The following TMEM74 variants were observed in gnomAD, a reference collection of about 807,000 sequenced individuals.
TMEM74 encodes the protein transmembrane protein 74.
TMEM74 carries 13 observed loss-of-function variants against 18.1 expected under a neutral mutation model. The ratio of observed to expected loss-of-function variants is 0.72; its 90% CI spans 0.47 to 1.14. The LOEUF is 1.14. Among genes scored for constraint, TMEM74 ranks in the 50% most tolerant of loss-of-function variants. The pLI is 0.00. For missense variants in TMEM74, 372 were observed against 375.9 expected (o/e 0.99, Z 0.09); for synonymous variants, 159 against 146.6 (o/e 1.08, Z -0.61).
At chr8:108,641,753 C>T (rs1462082785) in intron 2 of TMEM74, among the ~76,000 whole-genome samples, 4 of 152,048 alleles carry the variant, frequency 2.6e-5, no homozygotes, top group Non-Finnish European at 5.9e-5. Context: ...AATCTATAGC[C>T]CAATCCAATA....
At chr8:108,756,600 A>AAGAAAGAAAGAAAGAGAAAGGG (rs1190452309) in intron 1 of TMEM74, among the ~76,000 whole-genome samples, 38 of 40,742 alleles carry the variant, frequency 9.3e-4, no homozygotes, top group Non-Finnish European at 1.2e-3. Flanking sequence ...AAGAAAGAGA[A>AAGAAAGAAAGAAAGAGAAAGGG]AGGAAGGAAG....
chr8:108,722,211 T>C (rs1813592548), intron 1 of TMEM74, among the ~76,000 whole-genome samples: 1 of 152,236 alleles, frequency 6.6e-6, no homozygotes, highest in South Asian at 2.1e-4. Context: ...TAATCACATC[T>C]GCAAAGTCCC....
chr8:108,737,621 G>T (rs1399173998), intron 1 of TMEM74, among the ~76,000 whole-genome samples: 1 of 152,164 alleles, frequency 6.6e-6, no homozygotes, highest in Non-Finnish European at 1.5e-5. Flanking sequence ...TCTGAGACCA[G>T]TAGGAACAGT....
chr8:108,676,129 A>T (rs2130594324), intron 1 of TMEM74, among the ~76,000 whole-genome samples: 1 of 152,276 alleles, frequency 6.6e-6, no homozygotes, highest in African/African-American at 2.4e-5. Context: ...GAGTGGGGAA[A>T]GATATCAGGA....
intron 2 of TMEM74, among the ~76,000 whole-genome samples, chr8:108,623,877 C>A (rs1428591203): frequency 6.6e-6 from 1 of 151,998 alleles, no homozygotes; most frequent in Non-Finnish European, 1.5e-5. Context: ...GCTCAACACC[C>A]TACACAGGGC....
chr8:108,681,987 G>C (rs1415814926), intron 1 of TMEM74, among the ~76,000 whole-genome samples: 2 of 152,024 alleles, frequency 1.3e-5, no homozygotes, highest in African/African-American at 4.8e-5. Flanking sequence ...ACATTTTTGT[G>C]TCCATCTTTG....
intron 1 of TMEM74, among the ~76,000 whole-genome samples, chr8:108,682,365 T>C (rs1345480374): frequency 1.3e-5 from 2 of 152,114 alleles, no homozygotes; most frequent in African/African-American, 4.8e-5. Context: ...AGAGATTTTC[T>C]GTGATTTCTT....
At chr8:108,629,211 A>G (rs1020085048) in intron 2 of TMEM74, among the ~76,000 whole-genome samples, 9 of 152,240 alleles carry the variant, frequency 5.9e-5, no homozygotes, top group Non-Finnish European at 1.5e-5. Context: ...AGCCAAATCA[A>G]TCAAGTGCAA....
At chr8:108,672,366 T>C (rs1813012366) in intron 1 of TMEM74, among the ~76,000 whole-genome samples, 1 of 152,190 alleles carries the variant, frequency 6.6e-6, no homozygotes, top group Non-Finnish European at 1.5e-5. Context: ...TACTCAATCA[T>C]CCAGATGTTT....
In TMEM74 at chr8:108,624,792, C is replaced by A. The variant is rs987677544; in HGVS notation, n.265-15966G>T. Among the ~76,000 whole-genome samples the A allele has an allele frequency of 3.4e-4, 51 of 152,014 alleles. 1 individual carries two copies. Among genetic ancestry groups the A allele is most frequent in the Middle Eastern group, 3.4e-3 (1 of 294 alleles). The stretch of plus-strand genomic sequence containing the variant: ...TAAAGGTATGTAAACCTTTATTATT[C>A]CTTAACTGTATAGGAACTGTGTGTC... On this transcript the variant is annotated intron_variant and non_coding_transcript_variant, in intron 2 of 3. Transcript: ENST00000518838.
Position 108,728,840 on chromosome 8 carries a change from C to A in TMEM74, n.119+58636G>T, listed in dbSNP as rs75756324. Reference sequence around the variant, plus strand: ...CAAATACTTGTTGAATGAATAAATGCGTTAAGAAGCCATGTGTTTTTCTAA... The same window carrying A: ...CAAATACTTGTTGAATGAATAAATGAGTTAAGAAGCCATGTGTTTTTCTAA... On this transcript the variant is annotated intron_variant and non_coding_transcript_variant, in intron 1 of 3. Transcript: ENST00000518838. Among the ~76,000 whole-genome samples, 674 of 152,180 alleles carry A rather than the reference C, an allele frequency of 4.4e-3. 8 individuals are homozygous for A. Among genetic ancestry groups the A allele is most frequent in the African/African-American group, 0.016 (646 of 41,514 alleles).
intron 2 of TMEM74, chr8:108,652,733 TC>T: frequency 5.6e-6 from 3 of 533,118 alleles, no homozygotes; most frequent in Non-Finnish European, 7.0e-6. Context: ...GCAAAGAGAT[TC>T]TTTTGGAAGA....
At chr8:108,720,514 CTAA>C (rs1295560218) in intron 1 of TMEM74, among the ~76,000 whole-genome samples, 3 of 152,150 alleles carry the variant, frequency 2.0e-5, no homozygotes, top group Non-Finnish European at 4.4e-5. Context: ...AATAATTGAT[CTAA>C]TAGTCCCCAT....
chr8:108,631,717 T>C (rs1812554316), intron 2 of TMEM74, among the ~76,000 whole-genome samples: 1 of 152,012 alleles, frequency 6.6e-6, no homozygotes, highest in South Asian at 2.1e-4. Context: ...GGCTCTTAGG[T>C]TCCCATTTGT....
At chr8:108,677,972 C>T (rs1813070951) in intron 1 of TMEM74, among the ~76,000 whole-genome samples, 1 of 152,064 alleles carries the variant, frequency 6.6e-6, no homozygotes, top group Non-Finnish European at 1.5e-5. Context: ...TCCCAATTTA[C>T]CATAGACTTG....
chr8:108,636,612 G>A (rs1812608847), intron 2 of TMEM74, among the ~76,000 whole-genome samples: 1 of 152,020 alleles, frequency 6.6e-6, no homozygotes, highest in African/African-American at 2.4e-5. Flanking sequence ...AGGCCTACCT[G>A]AGGTTCAGTA....
intron 2 of TMEM74, among the ~76,000 whole-genome samples, chr8:108,636,553 A>G (rs1398286151): frequency 6.6e-6 from 1 of 151,722 alleles, no homozygotes; most frequent in Admixed American, 6.6e-5. Flanking sequence ...CCTGAGGAAC[A>G]AAAGACCCCA....
At chr8:108,695,140 GCAACAGCAA>G (rs1438088355) in intron 1 of TMEM74, among the ~76,000 whole-genome samples, 1 of 151,440 alleles carries the variant, frequency 6.6e-6, no homozygotes, top group Non-Finnish European at 1.5e-5. Flanking sequence ...GGCATGAGCT[GCAACAGCAA>G]CAGTGCTTTG....
At chr8:108,733,781 T>C (rs2130641097) in intron 1 of TMEM74, among the ~76,000 whole-genome samples, 1 of 152,338 alleles carries the variant, frequency 6.6e-6, no homozygotes, top group Admixed American at 6.5e-5. Flanking sequence ...TAGAAAGGGA[T>C]TGTTCATACC....
Sources: gnomAD v4.1 joint callset for allele counts (sites outside exome capture counted in the v4.1 genomes callset) on GRCh38, gnomAD v4.1.1 for gene constraint, MANE v1.5 for transcripts, NCBI Gene and HGNC (gene_info 2026-07-23, HGNC 2026-07-21) for gene names.